Variants in EXOC6 observed in about 807,000 individuals in gnomAD.
The protein encoded by EXOC6 is exocyst complex component 6, also known as SEC15-like 1.
In EXOC6, 60 loss-of-function variants were observed where a neutral mutation model predicts 112.5. The ratio of observed to expected loss-of-function variants is 0.53; its 90% CI spans 0.43 to 0.66. The LOEUF (loss-of-function observed/expected upper bound fraction) is 0.66. EXOC6 is among the 30% of genes least tolerant of loss of function. The pLI is 0.00. For missense variants in EXOC6, 855 were observed against 957.1 expected, an observed-to-expected ratio of 0.89 and a Z score of 1.41; for synonymous variants, 295 against 308.0, an observed-to-expected ratio of 0.96 and a Z score of 0.44.
At chr10:92,884,779 G>A (rs184549377) in intron 1 of EXOC6, among the ~76,000 whole-genome samples, 43 of 152,084 alleles carry the variant, frequency 2.8e-4, no homozygotes, top group African/African-American at 1.0e-3. Flanking sequence ...ATAGTGTAAG[G>A]ATATTACATG....
intron 1 of EXOC6, among the ~76,000 whole-genome samples, chr10:92,842,013 A>T (rs1846870005): frequency 6.6e-6 from 1 of 152,148 alleles, no homozygotes; most frequent in Non-Finnish European, 1.5e-5. Flanking sequence ...CTTGTATTTT[A>T]GTGAAAAGAG....
Position 92,894,916 on chromosome 10 carries a change from C to A in EXOC6, c.322-14C>A. On this transcript the variant is annotated splice_polypyrimidine_tract_variant and intron_variant, in intron 3 of 21. Coordinates refer to ENST00000260762, the MANE Select transcript of EXOC6 (RefSeq NM_019053.6). ...CTGTTTGTTTAAAAATATGAACATT[C>A]CTTCTTTTCTAAGGTGATAGTCCAC... is the stretch of plus-strand genomic sequence containing the variant. The A allele has an allele frequency of 6.2e-7, 1 of 1,605,170 alleles. No homozygotes were observed. The highest frequency in any genetic ancestry group is 8.5e-7 in the Non-Finnish European group (1 of 1,172,216).
chr10:92,960,592 C>CAAA (rs56016433), intron 17 of EXOC6, among the ~76,000 whole-genome samples: 11 of 112,990 alleles, frequency 9.7e-5, no homozygotes, highest in African/African-American at 2.1e-4. Context: ...ATTTAAATTG[C>CAAA]AAAAAAAAAA....
chr10:92,941,560 G>A (rs528504623), intron 13 of EXOC6, among the ~76,000 whole-genome samples: 1 of 152,180 alleles, frequency 6.6e-6, no homozygotes, highest in African/African-American at 2.4e-5. Flanking sequence ...ATACTTGCTT[G>A]TAGTTCTAAT....
intron 17 of EXOC6, 74 bp from the exon 18 acceptor site, chr10:92,973,978 AT>A: frequency 8.3e-7 from 1 of 1,204,874 alleles, no homozygotes; most frequent in East Asian, 2.7e-5. Flanking sequence ...TAAATGTAAA[AT>A]AATATCTAGA....
At chr10:92,859,324 T>G (rs2133670398) in intron 1 of EXOC6, among the ~76,000 whole-genome samples, 1 of 152,342 alleles carries the variant, frequency 6.6e-6, no homozygotes, top group South Asian at 2.1e-4. Context: ...AGTGCAATCC[T>G]GGCATATACG....
rs781326759 is a variant in EXOC6, at chr10:92,974,143, A to G, written c.1864A>G (p.Met622Val). The G allele has an allele frequency of 5.6e-6, 9 of 1,604,260 alleles. No homozygotes were observed. In the South Asian group the frequency reaches 9.1e-5, roughly 16 times the overall value. The change falls in exon 18 of 22, where the codon ATG becomes GTG. Residue 622 changes from methionine to valine, a missense_variant. Physicochemically the swap from Met to Val is conservative, Grantham distance 21. Coordinates refer to ENST00000260762, the MANE Select transcript of EXOC6 (RefSeq NM_019053.6). The stretch of plus-strand genomic sequence containing the variant: ...TCAGCTTGCTGATTATGACTGGACA[A>G]TGTCTGAGCCAGATGGAAGAGCTAG... ...FVQLADYDWT[M>V]SEPDGRASGY... is the part of the protein sequence containing the mutation.
intron 19 of EXOC6, among the ~76,000 whole-genome samples, chr10:93,012,888 CA>C (rs1346061150): frequency 6.6e-6 from 1 of 151,914 alleles, no homozygotes; most frequent in Non-Finnish European, 1.5e-5. Context: ...CCCAAAAAAA[CA>C]AAAAAATCAT....
intron 1 of EXOC6, among the ~76,000 whole-genome samples, chr10:92,868,466 G>C (rs887378684): frequency 6.6e-6 from 1 of 152,164 alleles, no homozygotes; most frequent in Admixed American, 6.5e-5. Flanking sequence ...TGGAAGCTTC[G>C]TTGTTTTAAT....
chr10:92,973,171 AACC>A (rs1302075253), intron 17 of EXOC6, among the ~76,000 whole-genome samples: 2 of 152,320 alleles, frequency 1.3e-5, no homozygotes, highest in East Asian at 3.9e-4. Flanking sequence ...TCTTCCAGGG[AACC>A]ACCAGATAGG....
chr10:92,954,599 TAA>T lies in EXOC6; in HGVS notation c.1527-30_1527-29del, dbSNP rs1328775446. On this transcript the variant is annotated intron_variant, in intron 15 of 21. Coordinates refer to ENST00000260762, the MANE Select transcript of EXOC6 (RefSeq NM_019053.6). ...TTAACTAACCACATTCATTATTTAT[TAA>T]GTTTAATAATATCAATCTTTGTTTT... 2.8e-6 allele frequency: 3 copies of T among 1,067,594 alleles called. No individual in the cohort carries two copies. The African/African-American group carries it at 4.7e-5, about 17-fold the overall frequency. The allele number at this position is 1,067,594 out of a possible 1,614,324, so 66.1% of individuals were successfully genotyped here. A position where few individuals can be genotyped will look rare whatever the true frequency, so the allele number is the denominator to read the frequency against.
chr10:93,014,367 G>T, intron 20 of EXOC6, 100 bp downstream of exon 20: 1 of 882,250 alleles, frequency 1.1e-6, no homozygotes, highest in South Asian at 1.5e-5. Context: ...TGTTTGCCTT[G>T]AAACAACCTA....
At chr10:93,034,353 C>T (rs1845412489) in intron 20 of EXOC6, among the ~76,000 whole-genome samples, 1 of 152,140 alleles carries the variant, frequency 6.6e-6, no homozygotes, top group Admixed American at 6.5e-5. Flanking sequence ...CCCTGGGCAC[C>T]CACCTCCTTG....
chr10:92,844,718 GT>G (rs1173098915), upstream of EXOC6, among the ~76,000 whole-genome samples: 11 of 152,194 alleles, frequency 7.2e-5, no homozygotes, highest in Admixed American at 6.5e-4. Context: ...CAATGCTAAT[GT>G]TGATTGAGCT....
intron 12 of EXOC6, among the ~76,000 whole-genome samples, chr10:92,939,968 A>G (rs1345891725): frequency 4.6e-5 from 7 of 152,140 alleles, no homozygotes; most frequent in Non-Finnish European, 1.0e-4. Flanking sequence ...GACAGGCTAC[A>G]GAAAATTGAG....
chr10:92,874,425 CA>C (rs36118991), intron 1 of EXOC6, among the ~76,000 whole-genome samples: 44,991 of 151,936 alleles, frequency 0.3, 7,435 homozygotes, highest in East Asian at 0.74. Context: ...TATTGTGACA[CA>C]AACAGAAAAT....
At position 92,940,731 on chromosome 10, in the gene EXOC6, A is replaced by G. The variant is rs759694027; in HGVS notation, c.1217A>G (p.Tyr406Cys). The change falls in exon 13 of 22, where the codon TAT becomes TGT. Residue 406 changes from tyrosine to cysteine, a missense_variant. Tyr to Cys is a radical substitution (Grantham distance 194). Transcript: ENST00000260762. ...TTTTTTTTTTTTGTATTTTAGGGTTATGGTTTTCCAGTGAACCGACTTTTT... is the reference window on the plus strand; with the variant it reads ...TTTTTTTTTTTTGTATTTTAGGGTTGTGGTTTTCCAGTGAACCGACTTTTT... ...TVIFADTLQG[Y>C]GFPVNRLFDL... The G allele has an allele frequency of 1.1e-5, 17 of 1,526,460 alleles. No individual in the cohort carries two copies. The highest frequency in any genetic ancestry group is 1.5e-5 in the African/African-American group (1 of 65,206). The allele number at this position is 1,526,460 out of a possible 1,614,324, so 94.6% of individuals were successfully genotyped here. A position where few individuals can be genotyped will look rare whatever the true frequency, so the allele number is the denominator to read the frequency against.
At position 93,010,203 on chromosome 10, in the gene EXOC6, C is replaced by T. The variant is rs138233398; in HGVS notation, c.2096-3991C>T. On this transcript the variant is annotated intron_variant, in intron 19 of 21. Coordinates refer to ENST00000260762, the MANE Select transcript of EXOC6 (RefSeq NM_019053.6). ...TCAGATCACTAAATTGCCTTCTACC[C>T]CTAAAAAAATTTGAGAAAAAGCCCT... Among the ~76,000 whole-genome samples the T allele has an allele frequency of 2.1e-3, 312 of 152,088 alleles. 1 individual carries two copies. Among genetic ancestry groups the T allele is most frequent in the African/African-American group, 7.2e-3 (297 of 41,480 alleles).
chr10:92,834,752 A>G (rs1057217318), exon 1 of EXOC6: 1 of 1,610,202 alleles, frequency 6.2e-7, no homozygotes. Context: ...TTGGAAGAAG[A>G]AACAGATCAA....
Sources: gnomAD v4.1 joint callset for allele counts (sites outside exome capture counted in the v4.1 genomes callset) on GRCh38, gnomAD v4.1.1 for gene constraint, MANE v1.5 for transcripts, NCBI Gene and HGNC (gene_info 2026-07-23, HGNC 2026-07-21) for gene names.